The following MEI4 variants were observed in gnomAD, a reference collection of about 807,000 sequenced individuals.
The protein encoded by MEI4 is meiotic double-stranded break formation protein 4.
MEI4 carries 27 observed loss-of-function variants against 31.4 expected under a neutral mutation model. That is an observed-to-expected ratio of 0.86 (90% CI 0.63 to 1.19). The LOEUF (loss-of-function observed/expected upper bound fraction) is 1.19. Ranked by LOEUF, MEI4 falls within the 50% of genes most tolerant of loss-of-function variation. The pLI, the probability that MEI4 is intolerant of heterozygous loss-of-function variation, is 0.00. For synonymous variants in MEI4, 122 were observed against 145.4 expected, an observed-to-expected ratio of 0.84 and a Z score of 1.16; for missense variants, 329 against 398.9, an observed-to-expected ratio of 0.82 and a Z score of 1.49.
intron 3 of MEI4, among the ~76,000 whole-genome samples, chr6:77,821,956 T>C (rs560654410): frequency 1.3e-5 from 2 of 152,262 alleles, no homozygotes; most frequent in South Asian, 4.1e-4. Flanking sequence ...TCCTACTTAA[T>C]AAAGGCCAAA....
intron 1 of MEI4, among the ~76,000 whole-genome samples, chr6:77,671,778 C>G (rs1168037309): frequency 6.6e-6 from 1 of 152,048 alleles, no homozygotes. Flanking sequence ...ATGAACAGGG[C>G]AGGGGAGGCA....
At chr6:77,874,114 T>C (rs548315536) in intron 4 of MEI4, among the ~76,000 whole-genome samples, 37 of 152,328 alleles carry the variant, frequency 2.4e-4, no homozygotes, top group African/African-American at 8.9e-4. Context: ...ATATGAACTT[T>C]AAAGTAGTTT....
chr6:77,747,018 A>C (rs1399331649), intron 2 of MEI4, among the ~76,000 whole-genome samples: 1 of 152,192 alleles, frequency 6.6e-6, no homozygotes, highest in East Asian at 1.9e-4. Flanking sequence ...ACTGCTATAA[A>C]GAACTGCCTG....
intron 4 of MEI4, among the ~76,000 whole-genome samples, chr6:77,911,223 C>G (rs1260256147): frequency 2.0e-5 from 3 of 152,060 alleles, no homozygotes; most frequent in East Asian, 1.9e-4. Flanking sequence ...TAAGTTACCT[C>G]TGCCCTCTTG....
chr6:77,854,636 A>G (rs563103437), intron 4 of MEI4, among the ~76,000 whole-genome samples: 2 of 152,310 alleles, frequency 1.3e-5, no homozygotes, highest in African/African-American at 2.4e-5. Context: ...ACAGAGCTAT[A>G]TGTAGACACC....
In MEI4 at chr6:77,730,260, C is replaced by T. The variant is rs1373216173; in HGVS notation, c.233-30870C>T. Among the ~76,000 whole-genome samples, 3 of 152,202 alleles carry T rather than the reference C, an allele frequency of 2.0e-5. No individual in the cohort carries two copies. The East Asian group carries it at 5.8e-4, about 29-fold the overall frequency. On this transcript the variant is annotated intron_variant, in intron 2 of 4. Coordinates refer to ENST00000684080, the MANE Select transcript of MEI4 (RefSeq NM_001322247.2). The stretch of plus-strand genomic sequence containing the variant: ...TACCAGTTCCTCATGGTAGCATTCA[C>T]ACATTGATGAATGGAAATTATGCAG...
At chr6:77,744,356 A>G (rs904591631) in intron 2 of MEI4, among the ~76,000 whole-genome samples, 2 of 152,190 alleles carry the variant, frequency 1.3e-5, no homozygotes, top group Non-Finnish European at 2.9e-5. Context: ...ATCAACTGGA[A>G]GAAAGGGTAT....
chr6:77,732,080 C>G (rs1767015686), intron 2 of MEI4, among the ~76,000 whole-genome samples: 1 of 150,560 alleles, frequency 6.6e-6, no homozygotes, highest in African/African-American at 2.5e-5. Flanking sequence ...CAGCTTTGTT[C>G]TTTTGACTTA....
At chr6:77,771,253 G>T (rs550336759) in intron 3 of MEI4, among the ~76,000 whole-genome samples, 1 of 152,124 alleles carries the variant, frequency 6.6e-6, no homozygotes, top group South Asian at 2.1e-4. Context: ...ATCTCAACCA[G>T]TCTGAATGGC....
chr6:77,773,628 C>T (rs1483286518), intron 3 of MEI4, among the ~76,000 whole-genome samples: 1 of 151,974 alleles, frequency 6.6e-6, no homozygotes, highest in Non-Finnish European at 1.5e-5. Flanking sequence ...TGAGTAATAC[C>T]TCACAAGCAA....
At chr6:77,780,911 TTACTC>T (rs537387097) in intron 3 of MEI4, among the ~76,000 whole-genome samples, 178 of 152,190 alleles carry the variant, frequency 1.2e-3, no homozygotes, top group African/African-American at 4.2e-3. Context: ...TATATAGAAT[TTACTC>T]TTTTTAGAAA....
chr6:77,800,403 A>T (rs562183041), intron 3 of MEI4, among the ~76,000 whole-genome samples: 2 of 152,092 alleles, frequency 1.3e-5, no homozygotes, highest in Admixed American at 6.6e-5. Flanking sequence ...GGGCTGAGAC[A>T]ATGGGGTTTT....
chr6:77,700,129 A>G (rs1261645647), intron 2 of MEI4, among the ~76,000 whole-genome samples: 5 of 152,218 alleles, frequency 3.3e-5, no homozygotes, highest in South Asian at 2.1e-4. Context: ...AGTTGTCAGC[A>G]GGGATATTTA....
chr6:77,784,187 C>G (rs1344950835), intron 3 of MEI4, among the ~76,000 whole-genome samples: 1 of 152,078 alleles, frequency 6.6e-6, no homozygotes, highest in African/African-American at 2.4e-5. Flanking sequence ...CATGGAGAAC[C>G]ACTGTGCTAT....
chr6:77,899,734 A>G (rs1374355915), intron 4 of MEI4, among the ~76,000 whole-genome samples: 1 of 152,132 alleles, frequency 6.6e-6, no homozygotes, highest in African/African-American at 2.4e-5. Context: ...ATGTTATTGC[A>G]AATGACAGTA....
At chr6:77,706,091 G>C (rs1203061781) in intron 2 of MEI4, among the ~76,000 whole-genome samples, 1 of 152,080 alleles carries the variant, frequency 6.6e-6, no homozygotes, top group Non-Finnish European at 1.5e-5. Context: ...TTCTCCCCAA[G>C]GCAGGCCATA....
intron 1 of MEI4, among the ~76,000 whole-genome samples, chr6:77,688,150 A>G (rs1769092072): frequency 6.6e-6 from 1 of 152,110 alleles, no homozygotes; most frequent in Non-Finnish European, 1.5e-5. Context: ...ATGAAATATT[A>G]GGGGAAACTG....
chr6:77,743,120 A>C (rs570632291), intron 2 of MEI4, among the ~76,000 whole-genome samples: 1 of 152,274 alleles, frequency 6.6e-6, no homozygotes, highest in Non-Finnish European at 1.5e-5. Context: ...TTTTGGTTCC[A>C]TATGAACTTG....
intron 4 of MEI4, among the ~76,000 whole-genome samples, chr6:77,902,436 TGTATTCTTAA>T (rs762334696): frequency 5.3e-5 from 8 of 152,280 alleles, no homozygotes; most frequent in Non-Finnish European, 8.8e-5. Context: ...CTTGGTTAAA[TGTATTCTTAA>T]GTATTTTGGA....
Sources: allele counts gnomAD v4.1 joint callset (sites outside exome capture counted in the v4.1 genomes callset), GRCh38; gene constraint gnomAD v4.1.1; transcripts MANE v1.5; gene names NCBI Gene and HGNC (gene_info 2026-07-23, HGNC 2026-07-21).